SEM1: variants seen among roughly 807,000 people sequenced by gnomAD.
SEM1 encodes the protein SEM1 26S proteasome subunit.
A neutral mutation model predicts 12.7 loss-of-function variants in SEM1; 3 were observed. The ratio of observed to expected loss-of-function variants is 0.24; its 90% confidence interval spans 0.11 to 0.61. The LOEUF (loss-of-function observed/expected upper bound fraction) is 0.61, where lower values mean the gene tolerates loss of function less well. SEM1 is among the 20% of genes least tolerant of loss of function. The pLI, the probability that SEM1 is intolerant of heterozygous loss-of-function variation, is 0.88. For missense variants in SEM1, 59 were observed against 81.3 expected (o/e 0.73, Z 1.06); for synonymous variants, 30 against 27.8 (o/e 1.08, Z -0.25).
intron 2 of SEM1, among the ~76,000 whole-genome samples, chr7:96,574,268 T>C (rs1806132984): frequency 6.6e-6 from 1 of 152,214 alleles, no homozygotes; most frequent in African/African-American, 2.4e-5. Context: ...CATGAACTCA[T>C]CATTTTTTAT....
downstream of SEM1, among the ~76,000 whole-genome samples, chr7:96,685,775 T>C (rs1360689444): frequency 6.1e-5 from 9 of 147,350 alleles, no homozygotes; most frequent in East Asian, 7.9e-4. Flanking sequence ...AGTGGTAGCA[T>C]GGCTCAGTAA....
intron 2 of SEM1, among the ~76,000 whole-genome samples, chr7:96,574,715 C>A (rs937472365): frequency 6.6e-6 from 1 of 152,088 alleles, no homozygotes; most frequent in Non-Finnish European, 1.5e-5. Context: ...TTGAGTTGAT[C>A]TTCAATCTCT....
intron 2 of SEM1, among the ~76,000 whole-genome samples, chr7:96,642,073 T>TA (rs2116394495): frequency 6.6e-6 from 1 of 152,174 alleles, no homozygotes; most frequent in Admixed American, 6.6e-5. Flanking sequence ...TAAAATTAAG[T>TA]AAAATGAAAA....
At chr7:96,630,944 T>G (rs1808239444) in intron 2 of SEM1, among the ~76,000 whole-genome samples, 1 of 152,186 alleles carries the variant, frequency 6.6e-6, no homozygotes, top group African/African-American at 2.4e-5. Context: ...AGCTACAGCC[T>G]GGAAAGGGGA....
chr7:96,650,185 G>C (rs992069518), intron 2 of SEM1: 1 of 312,362 alleles, frequency 3.2e-6, no homozygotes, highest in African/African-American at 2.2e-5. Context: ...AAAGGCAGAG[G>C]TTTCCATAAC....
chr7:96,708,230 C>T (rs1193847824), intron 1 of SEM1: 1 of 152,162 alleles, frequency 6.6e-6, no homozygotes, highest in Non-Finnish European at 1.5e-5. Context: ...GAAAACATGA[C>T]TGAATAGATA....
chr7:96,693,354 G>GGT (rs570753184), intron 2 of SEM1, among the ~76,000 whole-genome samples: 179 of 152,054 alleles, frequency 1.2e-3, no homozygotes, highest in African/African-American at 4.2e-3. Flanking sequence ...TTCAACAAAT[G>GGT]GTGCTGGAAA....
At chr7:96,622,654 T>C (rs1486446659) in intron 2 of SEM1, 1 of 764,252 alleles carries the variant, frequency 1.3e-6, no homozygotes, top group Non-Finnish European at 2.4e-6. Context: ...CTGGAAAAAT[T>C]AGAAAGTAGG....
intron 2 of SEM1, among the ~76,000 whole-genome samples, chr7:96,514,504 C>T (rs936737491): frequency 7.2e-5 from 10 of 138,956 alleles, no homozygotes; most frequent in African/African-American, 2.8e-4. Context: ...ACATGATTGT[C>T]TCTGTAGAAA....
intron 2 of SEM1, among the ~76,000 whole-genome samples, chr7:96,555,176 GT>G (rs200621290): frequency 6.7e-6 from 1 of 149,340 alleles, no homozygotes; most frequent in African/African-American, 2.4e-5. Flanking sequence ...TTTTTGAAGG[GT>G]TTTTGTGTCT....
intron 2 of SEM1, among the ~76,000 whole-genome samples, chr7:96,616,065 G>A (rs138308915): frequency 6.6e-6 from 1 of 152,108 alleles, no homozygotes; most frequent in Non-Finnish European, 1.5e-5. Flanking sequence ...ACCTAGTAGT[G>A]AGACTGTTGG....
At chr7:96,504,460 A>T (rs1490634040) in intron 3 of SEM1, among the ~76,000 whole-genome samples, 1 of 152,134 alleles carries the variant, frequency 6.6e-6, no homozygotes, top group African/African-American at 2.4e-5. Context: ...TCATGAACTG[A>T]TTCAACAATT....
At chr7:96,635,156 A>AAAAT (rs1343680113) in intron 2 of SEM1, among the ~76,000 whole-genome samples, 1 of 152,156 alleles carries the variant, frequency 6.6e-6, no homozygotes, top group Non-Finnish European at 1.5e-5. Context: ...GACACTGAAG[A>AAAAT]AAATAAAGGA....
chr7:96,551,713 A>C (rs1001128456), intron 2 of SEM1, among the ~76,000 whole-genome samples: 1 of 105,998 alleles, frequency 9.4e-6, no homozygotes, highest in South Asian at 3.1e-4. Context: ...CTCAAAAAAA[A>C]AAAAAAAAAA....
downstream of SEM1, chr7:96,672,971 G>A (rs1789358878): frequency 1.3e-5 from 2 of 152,244 alleles, no homozygotes; most frequent in East Asian, 3.9e-4. Flanking sequence ...TGGGAATAAT[G>A]ATACTACTTA....
chr7:96,674,514 A>T (rs1789403541), intron 2 of SEM1, among the ~76,000 whole-genome samples: 1 of 151,942 alleles, frequency 6.6e-6, no homozygotes, highest in Non-Finnish European at 1.5e-5. Flanking sequence ...AAACAAAAAA[A>T]TTAGCTGAGC....
chr7:96,545,472 A>G (rs1805078084), intron 2 of SEM1, among the ~76,000 whole-genome samples: 1 of 152,024 alleles, frequency 6.6e-6, no homozygotes, highest in Non-Finnish European at 1.5e-5. Flanking sequence ...AAAAAAATTT[A>G]AGACCAAGGA....
intron 1 of SEM1, among the ~76,000 whole-genome samples, chr7:96,708,605 A>G (rs1169054281): frequency 2.0e-5 from 3 of 152,228 alleles, no homozygotes; most frequent in African/African-American, 4.8e-5. Context: ...CAGCCAATAA[A>G]GCAGCCTATT....
chr7:96,498,039 C>T (rs780556802), upstream of SEM1, among the ~76,000 whole-genome samples: 10 of 152,224 alleles, frequency 6.6e-5, no homozygotes, highest in Middle Eastern at 3.4e-3. Flanking sequence ...GAATTTTAAA[C>T]GTGGCAAGGT....
Sources: allele counts gnomAD v4.1 joint callset (sites outside exome capture counted in the v4.1 genomes callset), GRCh38; gene constraint gnomAD v4.1.1; transcripts MANE v1.5; gene names NCBI Gene and HGNC (gene_info 2026-07-23, HGNC 2026-07-21).